The following PDE8B variants were observed in gnomAD, a reference collection of about 807,000 sequenced individuals.
PDE8B encodes the protein phosphodiesterase 8B.
Under a neutral mutation model 101.3 loss-of-function variants are expected in PDE8B, and 26 were observed. The ratio of observed to expected loss-of-function variants is 0.26; its 90% CI spans 0.19 to 0.36. PDE8B has a LOEUF of 0.36. PDE8B is among the 10% of genes least tolerant of loss of function. The pLI, the probability that PDE8B is intolerant of heterozygous loss-of-function variation, is 1.00. For synonymous variants in PDE8B, 424 were observed against 429.3 expected (o/e 0.99, Z 0.15); for missense variants, 810 against 1,163.1 (o/e 0.70, Z 4.42).
chr5:77,311,098 T>C (rs934320603), intron 1 of PDE8B, among the ~76,000 whole-genome samples: 1 of 151,740 alleles, frequency 6.6e-6, no homozygotes, highest in Non-Finnish European at 1.5e-5. Flanking sequence ...CAGTACAGAG[T>C]GTGGAATGCA....
intron 1 of PDE8B, among the ~76,000 whole-genome samples, chr5:77,220,500 G>A (rs1342836588): frequency 6.6e-6 from 1 of 152,216 alleles, no homozygotes; most frequent in Non-Finnish European, 1.5e-5. Context: ...GAACGTGAAA[G>A]GCAGTGTTCA....
chr5:77,185,446 C>A, the PDE8B span, among the ~76,000 whole-genome samples: 1 of 152,124 alleles, frequency 6.6e-6, no homozygotes, highest in Non-Finnish European at 1.5e-5. Flanking sequence ...ACAAAGACAC[C>A]AGTCATATTG....
In PDE8B at chr5:77,344,999, T is replaced by A. The variant is rs554507230; in HGVS notation, c.876+68T>A. ...CCTTTCAGGTTTAAGCCACACTTTT[T>A]ATCAAGTACTTTCCCATCATCCTCA... On this transcript the variant is annotated intron_variant, in intron 7 of 21. Coordinates refer to ENST00000264917, the MANE Select transcript of PDE8B (RefSeq NM_003719.5). The A allele has an allele frequency of 3.0e-6, 3 of 985,178 alleles. No individual in the cohort carries two copies. The Admixed American group carries it at 5.1e-5, about 17-fold the overall frequency. The allele number at this position is 985,178 out of a possible 1,614,324, so 61.0% of individuals were successfully genotyped here.
the PDE8B span, among the ~76,000 whole-genome samples, chr5:77,095,979 A>G: frequency 6.6e-6 from 1 of 152,126 alleles, no homozygotes; most frequent in Non-Finnish European, 1.5e-5. Context: ...AAATCCTTGC[A>G]TAATTTTTTC....
intron 1 of PDE8B, among the ~76,000 whole-genome samples, chr5:77,240,686 A>G (rs1186217738): frequency 6.6e-6 from 1 of 152,252 alleles, no homozygotes; most frequent in Non-Finnish European, 1.5e-5. Flanking sequence ...ATTCAAACAC[A>G]TTCAAATTGA....
intron 1 of PDE8B, among the ~76,000 whole-genome samples, chr5:77,241,288 A>C (rs932344040): frequency 1.3e-5 from 2 of 152,242 alleles, no homozygotes; most frequent in African/African-American, 4.8e-5. Context: ...GAGATATCAT[A>C]GTTCAAAGTG....
At chr5:77,390,863 T>A (rs1789763849) in intron 10 of PDE8B, among the ~76,000 whole-genome samples, 1 of 152,234 alleles carries the variant, frequency 6.6e-6, no homozygotes, top group Admixed American at 6.5e-5. Flanking sequence ...ACTACCTGTG[T>A]GGCTTGGGCA....
rs1780876633 is a variant in PDE8B at position 77,350,445 on chromosome 5, G to A, written c.1018-620G>A. 2.0e-5 allele frequency among the ~76,000 whole-genome samples: 3 copies of A among 152,096 alleles called. No individual in the cohort carries two copies. In the South Asian group the frequency reaches 6.2e-4, roughly 32 times the overall value. ...GTGATAGAGGGGACAAGAAATGGCTGCAGGGAATCGGAATCTCAGTTTCTG... is the reference window on the plus strand; with the variant it reads ...GTGATAGAGGGGACAAGAAATGGCTACAGGGAATCGGAATCTCAGTTTCTG... On this transcript the variant is annotated intron_variant, in intron 8 of 21. Transcript: ENST00000264917.
chr5:77,408,826 C>T (rs1794001139), intron 13 of PDE8B, 67 bp from the exon 14 acceptor site: 1 of 1,252,316 alleles, frequency 8.0e-7, no homozygotes, highest in Middle Eastern at 1.9e-4. Context: ...GGATTCTGGG[C>T]ATATATATGA....
intron 1 of PDE8B, among the ~76,000 whole-genome samples, chr5:77,217,821 C>T (rs1750142504): frequency 6.6e-6 from 1 of 152,184 alleles, no homozygotes; most frequent in Non-Finnish European, 1.5e-5. Flanking sequence ...CAGGCGTGAA[C>T]CACCATGCTT....
Position 77,425,888 on chromosome 5 carries a change from C to T in PDE8B, c.2540C>T (p.Ala847Val). The part of the protein sequence containing the change: ...IDYFITDMFD[A>V]WDAFAHLPAL... ...TACTTCATAACAGACATGTTTGATG[C>T]TTGGGATGGTAAGACAGTTACTGTT... Residue 847 changes from alanine to valine, a missense_variant, in exon 21 of 22, where the codon GCT becomes GTT. This residue lies in a region of PDE8B where 325 missense variants were observed against 560.9 expected (regional missense o/e 0.58). Transcript: ENST00000264917. 1.2e-6 allele frequency: 2 copies of T among 1,613,510 alleles called. No individual in the cohort carries two copies. Among genetic ancestry groups the T allele is most frequent in the South Asian group, 1.1e-5 (1 of 91,066 alleles).
At chr5:77,422,058 G>A (rs1321006727) in intron 20 of PDE8B, 70 bp downstream of exon 20, 1 of 1,483,578 alleles carries the variant, frequency 6.7e-7, no homozygotes, top group Non-Finnish European at 9.3e-7. Flanking sequence ...AACTCCTGGG[G>A]GATTCTCCAG....
At chr5:77,142,758 C>G in the PDE8B span, among the ~76,000 whole-genome samples, 1 of 151,822 alleles carries the variant, frequency 6.6e-6, no homozygotes, top group Non-Finnish European at 1.5e-5. Flanking sequence ...AAATTATTCC[C>G]TTCATGTAAT....
the PDE8B span, among the ~76,000 whole-genome samples, chr5:77,177,125 C>T: frequency 6.6e-6 from 1 of 152,070 alleles, no homozygotes; most frequent in African/African-American, 2.4e-5. Flanking sequence ...CTTCAAGGTG[C>T]ATGGTAGGTG....
intron 21 of PDE8B, 87 bp downstream of exon 21, chr5:77,425,983 A>G (rs549162315): frequency 7.4e-7 from 1 of 1,347,566 alleles, no homozygotes; most frequent in African/African-American, 1.4e-5. Context: ...GCCTAAAGGT[A>G]AACAAAATAT....
chr5:77,369,901 T>A (rs1206613569), intron 10 of PDE8B, among the ~76,000 whole-genome samples: 1 of 152,210 alleles, frequency 6.6e-6, no homozygotes, highest in Non-Finnish European at 1.5e-5. Context: ...CAATTTTTTC[T>A]CAAGCATTTT....
At chr5:77,127,573 A>G in the PDE8B span, among the ~76,000 whole-genome samples, 3 of 152,098 alleles carry the variant, frequency 2.0e-5, no homozygotes, top group African/African-American at 7.2e-5. Flanking sequence ...TTAGTAAACT[A>G]TTTCCTACTG....
At chr5:77,183,821 TCA>T in the PDE8B span, among the ~76,000 whole-genome samples, 2 of 152,202 alleles carry the variant, frequency 1.3e-5, no homozygotes, top group Non-Finnish European at 2.9e-5. Flanking sequence ...TTCTCAGTTT[TCA>T]CAGTCACATA....
chr5:77,127,163 A>C, the PDE8B span, among the ~76,000 whole-genome samples: 1 of 152,144 alleles, frequency 6.6e-6, no homozygotes, highest in Non-Finnish European at 1.5e-5. Flanking sequence ...ACCCAGGTGA[A>C]TGGTTTGGCT....
Sources: allele counts gnomAD v4.1 joint callset (sites outside exome capture counted in the v4.1 genomes callset), GRCh38; gene constraint gnomAD v4.1.1; regional missense constraint gnomAD v4.1.1; transcripts MANE v1.5; gene names NCBI Gene and HGNC (gene_info 2026-07-23, HGNC 2026-07-21).